CAMKMT: variants seen among roughly 807,000 people sequenced by gnomAD.
CAMKMT encodes the protein calmodulin-lysine N-methyltransferase.
A neutral mutation model predicts 48.0 loss-of-function variants in CAMKMT; 53 were observed. That is an observed-to-expected ratio of 1.10 (90% CI 0.89 to 1.39). The LOEUF (loss-of-function observed/expected upper bound fraction) is 1.39, where lower values mean the gene tolerates loss of function less well. Ranked by LOEUF, CAMKMT falls within the 40% of genes most tolerant of loss-of-function variation. The pLI, the probability that CAMKMT is intolerant of heterozygous loss-of-function variation, is 0.00. For synonymous variants in CAMKMT, 165 were observed against 152.3 expected, an observed-to-expected ratio of 1.08 and a Z score of -0.61; for missense variants, 428 against 402.7, an observed-to-expected ratio of 1.06 and a Z score of -0.54.
chr2:44,518,250 A>G (rs1670931097), intron 3 of CAMKMT, among the ~76,000 whole-genome samples: 1 of 152,168 alleles, frequency 6.6e-6, no homozygotes. Context: ...AGTCATCGAG[A>G]ATCAACAAGG....
intron 3 of CAMKMT, among the ~76,000 whole-genome samples, chr2:44,522,526 A>C (rs2104801233): frequency 6.6e-6 from 1 of 152,330 alleles, no homozygotes; most frequent in African/African-American, 2.4e-5. Flanking sequence ...GGTCTTCTAC[A>C]CATAGCCTTA....
chr2:44,364,398 G>T (rs1175181898), intron 1 of CAMKMT, among the ~76,000 whole-genome samples: 1 of 152,014 alleles, frequency 6.6e-6, no homozygotes. Flanking sequence ...ATGCCTCTGG[G>T]CTAAGTTAGA....
At chr2:44,724,716 G>A (rs892793748) in intron 7 of CAMKMT, among the ~76,000 whole-genome samples, 53 of 152,306 alleles carry the variant, frequency 3.5e-4, no homozygotes, top group African/African-American at 1.2e-3. Context: ...TCTTAGTGAA[G>A]ATGTGACCTC....
chr2:44,446,886 T>G (rs947011148), intron 3 of CAMKMT, among the ~76,000 whole-genome samples: 1 of 152,258 alleles, frequency 6.6e-6, no homozygotes, highest in Non-Finnish European at 1.5e-5. Context: ...CCTTTGTTGT[T>G]GTTGTACATA....
chr2:44,682,103 TAG>T (rs1479111159), intron 3 of CAMKMT, among the ~76,000 whole-genome samples: 2 of 152,226 alleles, frequency 1.3e-5, no homozygotes, highest in Non-Finnish European at 2.9e-5. Flanking sequence ...ACCTGATTAA[TAG>T]AGGGCTTCCC....
At chr2:44,506,174 C>A (rs1210235714) in intron 3 of CAMKMT, among the ~76,000 whole-genome samples, 1 of 152,056 alleles carries the variant, frequency 6.6e-6, no homozygotes, top group Admixed American at 6.6e-5. Flanking sequence ...AAGTTTAAAT[C>A]TGTGCTTTTT....
chr2:44,405,319 T>C (rs1682707178), intron 3 of CAMKMT, among the ~76,000 whole-genome samples: 1 of 152,060 alleles, frequency 6.6e-6, no homozygotes, highest in African/African-American at 2.4e-5. Context: ...ACTAATGGAA[T>C]TGTTGGATAA....
intron 3 of CAMKMT, among the ~76,000 whole-genome samples, chr2:44,402,740 G>GTTTTTTTTTTTTTTTTTTTTTTTCTTTT: frequency 3.2e-5 from 3 of 94,106 alleles, no homozygotes; most frequent in Non-Finnish European, 2.1e-5. Context: ...TTGTTTTGCT[G>GTTTTTTTTTTTTTTTTTTTTTTTCTTTT]TTTTTTTTTT....
At chr2:44,400,473 A>G (rs967057321) in intron 3 of CAMKMT, among the ~76,000 whole-genome samples, 5 of 152,128 alleles carry the variant, frequency 3.3e-5, no homozygotes, top group African/African-American at 4.8e-5. Flanking sequence ...CAGATTTGCA[A>G]TCCCTGATGC....
chr2:44,680,711 A>T (rs114219598), intron 3 of CAMKMT, among the ~76,000 whole-genome samples: 1 of 152,196 alleles, frequency 6.6e-6, no homozygotes, highest in African/African-American at 2.4e-5. Context: ...CAATGCATTA[A>T]GACCAGGACT....
chr2:44,402,321 T>C (rs1344271780), intron 3 of CAMKMT, among the ~76,000 whole-genome samples: 5 of 41,438 alleles, frequency 1.2e-4, no homozygotes, highest in Non-Finnish European at 2.7e-4. Context: ...ACAGCAAGAC[T>C]CTGTCTAAAA....
At chr2:44,377,120 C>T (rs1679779577) in intron 2 of CAMKMT, among the ~76,000 whole-genome samples, 1 of 152,088 alleles carries the variant, frequency 6.6e-6, no homozygotes, top group African/African-American at 2.4e-5. Context: ...AATCCGCCCG[C>T]CTTAGTCTCC....
chr2:44,579,914 C>G (rs1370350059), intron 3 of CAMKMT, among the ~76,000 whole-genome samples: 1 of 152,152 alleles, frequency 6.6e-6, no homozygotes, highest in Non-Finnish European at 1.5e-5. Context: ...TTTTGGAAAG[C>G]CTTTCATTTG....
intron 3 of CAMKMT, among the ~76,000 whole-genome samples, chr2:44,607,440 A>G (rs930970424): frequency 6.6e-6 from 1 of 152,210 alleles, no homozygotes; most frequent in Non-Finnish European, 1.5e-5. Context: ...TGAACACTAA[A>G]TTGCTCTTGC....
At chr2:44,607,552 A>G (rs1020511230) in intron 3 of CAMKMT, among the ~76,000 whole-genome samples, 1 of 152,192 alleles carries the variant, frequency 6.6e-6, no homozygotes, top group Non-Finnish European at 1.5e-5. Flanking sequence ...AATTCTACCT[A>G]TACTATATTG....
chr2:44,557,105 T>G (rs1227815393), intron 3 of CAMKMT, among the ~76,000 whole-genome samples: 2 of 152,218 alleles, frequency 1.3e-5, no homozygotes, highest in Non-Finnish European at 2.9e-5. Context: ...TTTCTAGACA[T>G]AGGATTCATT....
chr2:44,604,634 C>T (rs1671184998), intron 3 of CAMKMT, among the ~76,000 whole-genome samples: 1 of 149,144 alleles, frequency 6.7e-6, no homozygotes, highest in South Asian at 2.1e-4. Context: ...AAAATAGTTA[C>T]AATGAGATTC....
intron 3 of CAMKMT, among the ~76,000 whole-genome samples, chr2:44,646,127 T>C (rs148006016): frequency 6.6e-6 from 1 of 152,276 alleles, no homozygotes; most frequent in East Asian, 1.9e-4. Flanking sequence ...TGAACATTAA[T>C]AGAGCTATAA....
chr2:44,453,182 G>A (rs1176566353), intron 3 of CAMKMT, among the ~76,000 whole-genome samples: 4 of 151,982 alleles, frequency 2.6e-5, no homozygotes, highest in Non-Finnish European at 5.9e-5. Flanking sequence ...AAAAGTAGAT[G>A]TGGCTGTAGG....
Sources: gnomAD v4.1 joint callset for allele counts (sites outside exome capture counted in the v4.1 genomes callset) on GRCh38, gnomAD v4.1.1 for gene constraint, MANE v1.5 for transcripts, NCBI Gene and HGNC (gene_info 2026-07-23, HGNC 2026-07-21) for gene names.